FAM135B: variants seen among roughly 807,000 people sequenced by gnomAD.
FAM135B encodes the protein protein FAM135B.
In FAM135B, 43 loss-of-function variants were observed where a neutral mutation model predicts 127.7. The observed-to-expected ratio is 0.34, with a 90% confidence interval of 0.26 to 0.43. The LOEUF is 0.43. Ranked by LOEUF, FAM135B falls within the 20% of genes least tolerant of loss-of-function variation. FAM135B has a pLI of 1.00. For synonymous variants in FAM135B, 670 were observed against 665.1 expected (o/e 1.01, Z -0.11); for missense variants, 1,558 against 1,725.6 (o/e 0.90, Z 1.72).
chr8:138,239,457 C>T (rs994756781), intron 7 of FAM135B, among the ~76,000 whole-genome samples: 2 of 152,094 alleles, frequency 1.3e-5, no homozygotes, highest in African/African-American at 4.8e-5. Context: ...TGGATTTTAG[C>T]CCTTTGTCAG....
intron 9 of FAM135B, among the ~76,000 whole-genome samples, chr8:138,183,695 A>G (rs1221440852): frequency 3.3e-5 from 5 of 152,226 alleles, no homozygotes; most frequent in Non-Finnish European, 7.3e-5. Flanking sequence ...CTGCAAGTGC[A>G]TCCACTTACA....
At chr8:138,158,244 C>T (rs1818968225) in intron 12 of FAM135B, among the ~76,000 whole-genome samples, 1 of 152,096 alleles carries the variant, frequency 6.6e-6, no homozygotes, top group Admixed American at 6.5e-5. Context: ...ACTGGCTAGC[C>T]ATATGTATAA....
chr8:138,345,288 C>A (rs141827383), intron 2 of FAM135B, among the ~76,000 whole-genome samples: 218 of 152,250 alleles, frequency 1.4e-3, no homozygotes, highest in Admixed American at 4.4e-3. Context: ...CAAAGGAGAG[C>A]ATGGGGGAGG....
rs748954204 is a variant in FAM135B at position 138,177,355 on chromosome 8, C to T, written c.1095G>A (p.Gln365=). Residue 365 remains glutamine (Q), a synonymous_variant, in exon 11 of 20, where the codon CAG becomes CAA. Transcript: ENST00000395297. The stretch of plus-strand genomic sequence containing the variant: ...ATGCAATGGATACTTACAGATTCTC[C>T]TGAAATGTCAGGACTGCAAGTTTTT... ...EHQKLAVLTF[Q]ENLIQTHSQL... is the part of the protein sequence containing the mutation. The T allele has an allele frequency of 1.9e-5, 31 of 1,613,498 alleles. No individual in the cohort carries two copies. The highest frequency in any genetic ancestry group is 2.5e-5 in the Non-Finnish European group (30 of 1,179,720).
chr8:138,465,545 C>T (rs1837338867), intron 1 of FAM135B, among the ~76,000 whole-genome samples: 1 of 152,220 alleles, frequency 6.6e-6, no homozygotes, highest in South Asian at 2.1e-4. Context: ...CCCAGAAATG[C>T]AATGCCCATT....
At chr8:138,223,596 T>G (rs1184832943) in intron 7 of FAM135B, among the ~76,000 whole-genome samples, 2 of 152,178 alleles carry the variant, frequency 1.3e-5, no homozygotes, top group Admixed American at 6.5e-5. Flanking sequence ...CTGAGAAAGA[T>G]CATGTGTTCT....
At chr8:138,292,356 T>C (rs1586985056) in intron 3 of FAM135B, among the ~76,000 whole-genome samples, 1 of 152,092 alleles carries the variant, frequency 6.6e-6, no homozygotes, top group African/African-American at 2.4e-5. Flanking sequence ...AAGCAACCTA[T>C]AGATTTGATG....
At chr8:138,145,253 C>A (rs11166786) in intron 15 of FAM135B, among the ~76,000 whole-genome samples, 105,259 of 152,074 alleles carry the variant, frequency 0.69, 36,490 homozygotes, top group East Asian at 0.76. Context: ...TAGGCTCAAG[C>A]GATCTCACTG....
intron 1 of FAM135B, among the ~76,000 whole-genome samples, chr8:138,373,034 C>A (rs1831244414): frequency 6.6e-6 from 1 of 152,168 alleles, no homozygotes; most frequent in African/African-American, 2.4e-5. Context: ...TACCTTCGGG[C>A]AGGCAATGTT....
chr8:138,243,164 T>G lies in FAM135B; in HGVS notation c.543-96A>C. On this transcript the variant is annotated intron_variant, in intron 6 of 19. Coordinates refer to ENST00000395297, the MANE Select transcript of FAM135B (RefSeq NM_015912.4). This position sits in a 1 kb window ranked among gnomAD's most constrained non-coding sequence, Gnocchi z 7.5. ...TTGAGGAGTGTTCCTGTGAAGCATT[T>G]GGGATAAGTCATTTAGGAGTAGTTC... The G allele has an allele frequency of 1.4e-6, 2 of 1,432,408 alleles. No individual in the cohort carries two copies. The highest frequency in any genetic ancestry group is 1.9e-6 in the Non-Finnish European group (2 of 1,074,732). 88.7% of individuals were successfully genotyped at this position (1,432,408 alleles called of 1,614,324 possible).
At chr8:138,439,387 A>T (rs1835637802) in intron 1 of FAM135B, 1 of 152,164 alleles carries the variant, frequency 6.6e-6, no homozygotes, top group African/African-American at 2.4e-5. Flanking sequence ...GCCTGATCCC[A>T]AATCCCATTC....
intron 3 of FAM135B, among the ~76,000 whole-genome samples, chr8:138,288,632 T>G (rs1448631997): frequency 6.6e-6 from 1 of 151,884 alleles, no homozygotes; most frequent in Admixed American, 6.6e-5. Context: ...CCAGGGTGAG[T>G]TGATGCCAAA....
At chr8:138,135,679 C>T (rs1005457438) in intron 19 of FAM135B, among the ~76,000 whole-genome samples, 7 of 152,022 alleles carry the variant, frequency 4.6e-5, no homozygotes, top group African/African-American at 7.2e-5. Context: ...TACTAGAAAT[C>T]GATTTTAATG....
chr8:138,281,228 C>T (rs1250382368), intron 3 of FAM135B, among the ~76,000 whole-genome samples: 1 of 152,106 alleles, frequency 6.6e-6, no homozygotes, highest in Non-Finnish European at 1.5e-5. Context: ...TTTTATTTTA[C>T]ATATCCAACA....
rs1003486311 is a variant in FAM135B, at chr8:138,131,751, G to A, written c.*842C>T. On this transcript the variant is annotated 3_prime_UTR_variant, in exon 20 of 20. Coordinates refer to ENST00000395297, the MANE Select transcript of FAM135B (RefSeq NM_015912.4). ...GTGTATCAGCAGGAGCTTCACACGT[G>A]TGTGCATTCATCTCAGTGCCCCCTT... 2 of 152,608 alleles carry A rather than the reference G, an allele frequency of 1.3e-5. No homozygotes were observed. The highest frequency in any genetic ancestry group is 2.9e-5 in the Non-Finnish European group (2 of 68,046). The allele number at this position is 152,608 out of a possible 1,614,324, so 9.5% of individuals were successfully genotyped here. A position where few individuals can be genotyped will look rare whatever the true frequency, so the allele number is the denominator to read the frequency against.
At chr8:138,430,984 A>G (rs1835160872) in intron 1 of FAM135B, among the ~76,000 whole-genome samples, 1 of 152,168 alleles carries the variant, frequency 6.6e-6, no homozygotes, top group Admixed American at 6.5e-5. Flanking sequence ...TATCATGCCC[A>G]CACAGAGTAA....
intron 5 of FAM135B, among the ~76,000 whole-genome samples, chr8:138,255,132 C>G (rs893221687): frequency 3.3e-5 from 5 of 150,112 alleles, no homozygotes; most frequent in African/African-American, 1.2e-4. Context: ...TGGGCTCAAG[C>G]AATCTTTCCA....
intron 2 of FAM135B, among the ~76,000 whole-genome samples, chr8:138,365,517 T>A (rs1830682124): frequency 6.6e-6 from 1 of 152,244 alleles, no homozygotes; most frequent in African/African-American, 2.4e-5. Context: ...GTTTTTAAAA[T>A]ATAACTAAAT....
intron 5 of FAM135B, among the ~76,000 whole-genome samples, chr8:138,253,218 A>G (rs1346622958): frequency 6.6e-6 from 1 of 152,180 alleles, no homozygotes; most frequent in Non-Finnish European, 1.5e-5. Flanking sequence ...CCTTGAAATA[A>G]AGAAGAATTT....
Sources: gnomAD v4.1 joint callset for allele counts (sites outside exome capture counted in the v4.1 genomes callset) on GRCh38, gnomAD v4.1.1 for gene constraint, Gnocchi (gnomAD v3.1) non-coding constraint, MANE v1.5 for transcripts, NCBI Gene and HGNC (gene_info 2026-07-23, HGNC 2026-07-21) for gene names.